The following ADCY8 variants were observed in gnomAD, a reference collection of about 807,000 sequenced individuals.
ADCY8 encodes adenylate cyclase type 8.
In ADCY8, 51 loss-of-function variants were observed where a neutral mutation model predicts 119.7. That is an observed-to-expected ratio of 0.43 (90% CI 0.34 to 0.54). The LOEUF is 0.54. Ranked by LOEUF, ADCY8 falls within the 20% of genes least tolerant of loss-of-function variation. ADCY8 has a pLI of 0.03. For synonymous variants in ADCY8, 665 were observed against 651.0 expected (o/e 1.02, Z -0.33); for missense variants, 1,383 against 1,598.8 (o/e 0.87, Z 2.30).
intron 12 of ADCY8, among the ~76,000 whole-genome samples, chr8:130,834,035 A>G (rs1816914776): frequency 6.6e-6 from 1 of 152,148 alleles, no homozygotes; most frequent in African/African-American, 2.4e-5. Flanking sequence ...TTGCTAAGAG[A>G]GTAGATCTTA....
At chr8:130,952,362 T>C (rs1163283978) in intron 2 of ADCY8, among the ~76,000 whole-genome samples, 2 of 152,230 alleles carry the variant, frequency 1.3e-5, no homozygotes, top group African/African-American at 4.8e-5. Flanking sequence ...ATGACAGCGA[T>C]GCATATCAGG....
chr8:130,967,505 A>G (rs1280179823), intron 2 of ADCY8, among the ~76,000 whole-genome samples: 1 of 152,208 alleles, frequency 6.6e-6, no homozygotes, highest in Non-Finnish European at 1.5e-5. Context: ...AGACTAAATG[A>G]CAAAGCTCCT....
chr8:130,973,711 T>G (rs553126468), intron 2 of ADCY8, among the ~76,000 whole-genome samples: 2 of 152,208 alleles, frequency 1.3e-5, no homozygotes, highest in Non-Finnish European at 2.9e-5. Flanking sequence ...GATGGTTGAT[T>G]AGGCTACATG....
At chr8:130,851,906 G>C (rs72712475) in intron 9 of ADCY8, among the ~76,000 whole-genome samples, 5,047 of 152,286 alleles carry the variant, frequency 0.033, 114 homozygotes, top group South Asian at 0.082. Flanking sequence ...TAGATGTCCA[G>C]GCAGTGAGGG....
rs565861412 is a variant in ADCY8 at position 130,894,722 on chromosome 8, G to A, written c.1911+9050C>T. On this transcript the variant is annotated intron_variant, in intron 7 of 17. Transcript: ENST00000286355. ...AAAAAGAAGTACATATATAAGTACC[G>A]TGGCTGTTCAGGCCAACAAAAATAT... Among the ~76,000 whole-genome samples the A allele has an allele frequency of 3.3e-5, 5 of 152,232 alleles. No individual in the cohort carries two copies. The East Asian group carries it at 7.7e-4, about 24-fold the overall frequency.
chr8:131,038,013 C>CT (rs927417719), intron 1 of ADCY8, among the ~76,000 whole-genome samples: 2 of 152,168 alleles, frequency 1.3e-5, no homozygotes, highest in African/African-American at 4.8e-5. Flanking sequence ...TTTATAAACT[C>CT]TTTGCTTTAC....
At chr8:130,953,749 G>T (rs1307727559) in intron 2 of ADCY8, among the ~76,000 whole-genome samples, 1 of 152,086 alleles carries the variant, frequency 6.6e-6, no homozygotes, top group Non-Finnish European at 1.5e-5. Flanking sequence ...GAGGGGCCTG[G>T]CATCAAGTCC....
intron 4 of ADCY8, among the ~76,000 whole-genome samples, chr8:130,938,465 A>G (rs1347272897): frequency 1.3e-5 from 2 of 152,082 alleles, no homozygotes; most frequent in Admixed American, 1.3e-4. Context: ...GATGCCTTCT[A>G]GATCTGAAGT....
intron 9 of ADCY8, among the ~76,000 whole-genome samples, chr8:130,860,798 C>T (rs201680684): frequency 1.3e-5 from 2 of 152,092 alleles, no homozygotes; most frequent in African/African-American, 4.8e-5. Context: ...CCTTGCCCCC[C>T]ACCCCCAACA....
intron 5 of ADCY8, among the ~76,000 whole-genome samples, chr8:130,927,638 G>A (rs1346374361): frequency 6.6e-6 from 1 of 151,548 alleles, no homozygotes; most frequent in Non-Finnish European, 1.5e-5. Flanking sequence ...ACTTATTTTT[G>A]TATGTGGATT....
chr8:130,995,256 G>C (rs1425894510), intron 1 of ADCY8, among the ~76,000 whole-genome samples: 1 of 152,108 alleles, frequency 6.6e-6, no homozygotes, highest in African/African-American at 2.4e-5. Flanking sequence ...ACCCTAAACA[G>C]AGGATTGGTC....
chr8:130,781,937 G>T (rs1815092799), intron 17 of ADCY8, among the ~76,000 whole-genome samples: 1 of 152,164 alleles, frequency 6.6e-6, no homozygotes, highest in Non-Finnish European at 1.5e-5. Flanking sequence ...GGAAAGGAAA[G>T]AAATACAGCC....
chr8:130,969,793 G>A (rs74630793), intron 2 of ADCY8, among the ~76,000 whole-genome samples: 2,656 of 152,176 alleles, frequency 0.017, 80 homozygotes, highest in African/African-American at 0.059. Context: ...CATCATCTCC[G>A]CCCCTGCCAA....
At chr8:131,011,736 A>G (rs1358877502) in intron 1 of ADCY8, among the ~76,000 whole-genome samples, 3 of 152,118 alleles carry the variant, frequency 2.0e-5, no homozygotes, top group Admixed American at 2.0e-4. Flanking sequence ...CCTCCCTTAC[A>G]GCAGATGGGG....
At chr8:130,874,710 C>T (rs947958833) in intron 8 of ADCY8, among the ~76,000 whole-genome samples, 1 of 152,102 alleles carries the variant, frequency 6.6e-6, no homozygotes, top group Admixed American at 6.5e-5. Context: ...ATGTTATGTC[C>T]TTCCTTGATA....
In ADCY8 at chr8:130,849,649, T is replaced by C; in HGVS notation, c.2365A>G (p.Ile789Val). 6.2e-7 allele frequency: 1 copy of C among 1,614,042 alleles called. No homozygotes were observed. Reference sequence around the variant, plus strand: ...AAATTAATCAAAATGGATGCAAAGATGATGACGTTCCGGGCCAAATAGGTC... The same window carrying C: ...AAATTAATCAAAATGGATGCAAAGACGATGACGTTCCGGGCCAAATAGGTC... ...NETYLARNVI[I>V]FASILINFLG... The change falls in exon 10 of 18, where the codon ATC (isoleucine) becomes GTC (valine). Residue 789 changes from isoleucine (I) to valine (V), a missense_variant. Ile to Val is a conservative substitution (Grantham distance 29). Coordinates refer to ENST00000286355, the MANE Select transcript of ADCY8 (RefSeq NM_001115.3).
At chr8:130,945,058 A>G (rs1821067883) in intron 3 of ADCY8, among the ~76,000 whole-genome samples, 1 of 152,112 alleles carries the variant, frequency 6.6e-6, no homozygotes, top group South Asian at 2.1e-4. Context: ...GATTGGGAGG[A>G]TGGATGCTCT....
chr8:130,870,838 T>C (rs561546811), intron 8 of ADCY8, among the ~76,000 whole-genome samples: 1 of 152,342 alleles, frequency 6.6e-6, no homozygotes, highest in South Asian at 2.1e-4. Context: ...ACTTTGCTTT[T>C]AGATTTGTCA....
At chr8:131,024,786 T>C (rs1394243132) in intron 1 of ADCY8, among the ~76,000 whole-genome samples, 1 of 152,206 alleles carries the variant, frequency 6.6e-6, no homozygotes, top group East Asian at 1.9e-4. Context: ...AATTAAATAT[T>C]AAATACCATC....
Sources: gnomAD v4.1 joint callset for allele counts (sites outside exome capture counted in the v4.1 genomes callset) on GRCh38, gnomAD v4.1.1 for gene constraint, MANE v1.5 for transcripts, NCBI Gene and HGNC (gene_info 2026-07-23, HGNC 2026-07-21) for gene names.